The following WDR70 variants were observed in gnomAD, a reference collection of about 807,000 sequenced individuals.
The protein encoded by WDR70 is WD repeat-containing protein 70.
Under a neutral mutation model 88.6 loss-of-function variants are expected in WDR70, and 53 were observed. That is an observed-to-expected ratio of 0.60 (90% CI 0.48 to 0.75). WDR70 has a LOEUF of 0.75. WDR70 is among the 30% of genes least tolerant of loss of function. The pLI, the probability that WDR70 is intolerant of heterozygous loss-of-function variation, is 0.00. For synonymous variants in WDR70, 280 were observed against 270.0 expected (o/e 1.04, Z -0.36); for missense variants, 610 against 823.2 (o/e 0.74, Z 3.17).
rs376135254 is a variant in WDR70 at position 37,437,666 on chromosome 5, AT to A, written c.493-252del. On this transcript the variant is annotated intron_variant, in intron 5 of 17. Transcript: ENST00000265107. ...CAATTTATGTTGACAATAAGAGATAATTTTATAGAACCTAATGAGTTTCTTA... is the reference window on the plus strand; with the variant it reads ...CAATTTATGTTGACAATAAGAGATAATTTATAGAACCTAATGAGTTTCTTA... 6.0e-4 allele frequency among the ~76,000 whole-genome samples: 92 copies of A among 152,232 alleles called. 1 individual carries two copies. In the East Asian group the frequency reaches 0.016, roughly 27 times the overall value.
intron 8 of WDR70, among the ~76,000 whole-genome samples, chr5:37,513,094 A>G (rs1740769705): frequency 6.6e-6 from 1 of 152,160 alleles, no homozygotes; most frequent in African/African-American, 2.4e-5. Context: ...TTTATATTCA[A>G]TTTTTGGTTG....
At chr5:37,551,864 CG>C (rs1561898500) in intron 9 of WDR70, among the ~76,000 whole-genome samples, 1 of 144,644 alleles carries the variant, frequency 6.9e-6, no homozygotes, top group African/African-American at 2.5e-5. Flanking sequence ...CTCTGCCTCC[CG>C]GGTTCAAGTG....
chr5:37,726,956 G>A lies in WDR70; in HGVS notation c.1788G>A (p.Lys596=). ...TTGTGAAGAACATTGCTTTGGACAA[G>A]ACCGATGACAGTAATCCTCGGGAAG... ...SYIVKNIALD[K]TDDSNPREAI... Residue 596 remains lysine, a synonymous_variant, in exon 17 of 18, where the codon AAG becomes AAA. Transcript: ENST00000265107. The A allele has an allele frequency of 1.2e-6, 2 of 1,612,246 alleles. No homozygotes were observed. The highest frequency in any genetic ancestry group is 1.7e-6 in the Non-Finnish European group (2 of 1,179,202).
chr5:37,453,804 A>G (rs1292324822), intron 7 of WDR70, among the ~76,000 whole-genome samples: 1 of 152,204 alleles, frequency 6.6e-6, no homozygotes, highest in Non-Finnish European at 1.5e-5. Flanking sequence ...TATCTTATTA[A>G]GATCCAGTGA....
intron 7 of WDR70, among the ~76,000 whole-genome samples, chr5:37,476,014 T>G (rs957971155): frequency 2.7e-5 from 4 of 150,074 alleles, no homozygotes; most frequent in African/African-American, 9.8e-5. Context: ...CCCAGCTATG[T>G]TTTTTTTTGC....
chr5:37,716,603 ACT>A (rs1351272220), intron 13 of WDR70, among the ~76,000 whole-genome samples: 1 of 151,928 alleles, frequency 6.6e-6, no homozygotes, highest in African/African-American at 2.4e-5. Flanking sequence ...GAAAGTTACC[ACT>A]CTCTACAGCC....
At chr5:37,691,515 C>T (rs913587421) in intron 10 of WDR70, among the ~76,000 whole-genome samples, 1 of 152,232 alleles carries the variant, frequency 6.6e-6, no homozygotes, top group Non-Finnish European at 1.5e-5. Context: ...AACTGTCTCT[C>T]AGACTACAGT....
At chr5:37,670,866 G>T (rs1473563329) in intron 10 of WDR70, among the ~76,000 whole-genome samples, 2 of 152,160 alleles carry the variant, frequency 1.3e-5, no homozygotes, top group Admixed American at 1.3e-4. Context: ...ATCGCCAGTG[G>T]CTGGGACAAT....
intron 6 of WDR70, among the ~76,000 whole-genome samples, chr5:37,440,393 T>G (rs1581279485): frequency 6.6e-6 from 1 of 152,184 alleles, no homozygotes; most frequent in South Asian, 2.1e-4. Context: ...TCACTCAGGC[T>G]GGAGTGCAGT....
intron 9 of WDR70, among the ~76,000 whole-genome samples, chr5:37,600,063 A>C (rs1743824019): frequency 6.6e-6 from 1 of 152,200 alleles, no homozygotes; most frequent in African/African-American, 2.4e-5. Context: ...CAAAAGCACA[A>C]ATGATGAAAG....
At chr5:37,691,513 C>G (rs1746793028) in intron 10 of WDR70, among the ~76,000 whole-genome samples, 2 of 152,228 alleles carry the variant, frequency 1.3e-5, no homozygotes, top group Non-Finnish European at 2.9e-5. Flanking sequence ...CAAACTGTCT[C>G]TCAGACTACA....
chr5:37,555,798 A>C (rs1024986027), intron 9 of WDR70, among the ~76,000 whole-genome samples: 4 of 152,098 alleles, frequency 2.6e-5, no homozygotes, highest in African/African-American at 7.2e-5. Flanking sequence ...GGCTCACTGC[A>C]ACCTCCACCT....
rs147114070 is a variant in WDR70 at position 37,691,251 on chromosome 5, C to T, written c.1093-6404C>T. Among the ~76,000 whole-genome samples the T allele has an allele frequency of 2.7e-3, 411 of 152,290 alleles. 3 individuals are homozygous for T. Among genetic ancestry groups the T allele is most frequent in the Middle Eastern group, 0.01 (3 of 294 alleles). ...AGAGACCTACAGATACTTAGACTCCCACACATTAATAATGGGAGACTTTAA... is the reference window on the plus strand; with the variant it reads ...AGAGACCTACAGATACTTAGACTCCTACACATTAATAATGGGAGACTTTAA... On this transcript the variant is annotated intron_variant, in intron 10 of 17. Coordinates refer to ENST00000265107, the MANE Select transcript of WDR70 (RefSeq NM_018034.4).
intron 6 of WDR70, among the ~76,000 whole-genome samples, chr5:37,438,334 G>A (rs182313302): frequency 2.0e-5 from 3 of 152,026 alleles, no homozygotes; most frequent in Non-Finnish European, 2.9e-5. Context: ...TCAGTAAAAG[G>A]CATGAATTTG....
chr5:37,415,237 C>T (rs1352862999), intron 5 of WDR70, among the ~76,000 whole-genome samples: 3 of 152,088 alleles, frequency 2.0e-5, no homozygotes, highest in Admixed American at 6.5e-5. Flanking sequence ...CCACCTTTCC[C>T]CTTTTCTATT....
intron 10 of WDR70, among the ~76,000 whole-genome samples, chr5:37,626,454 T>G (rs1318201303): frequency 6.6e-6 from 1 of 152,184 alleles, no homozygotes; most frequent in Non-Finnish European, 1.5e-5. Context: ...ATTCCTGAGA[T>G]AAATCCCACT....
intron 13 of WDR70, among the ~76,000 whole-genome samples, chr5:37,716,317 G>A (rs1467941066): frequency 1.3e-5 from 2 of 152,300 alleles, no homozygotes; most frequent in East Asian, 3.9e-4. Flanking sequence ...ATGTTACGCA[G>A]GCATTGATTT....
At chr5:37,501,021 G>A (rs1441496941) in intron 8 of WDR70, among the ~76,000 whole-genome samples, 3 of 152,128 alleles carry the variant, frequency 2.0e-5, no homozygotes, top group African/African-American at 4.8e-5. Context: ...TTACAGGCGT[G>A]AGCCACCATA....
chr5:37,735,222 TTAAA>T (rs1241149641), intron 17 of WDR70, among the ~76,000 whole-genome samples: 5 of 152,148 alleles, frequency 3.3e-5, no homozygotes, highest in Admixed American at 1.3e-4. Flanking sequence ...TCAACTTTCT[TTAAA>T]TAAGAATTAA....
Sources: gnomAD v4.1 joint callset for allele counts (sites outside exome capture counted in the v4.1 genomes callset) on GRCh38, gnomAD v4.1.1 for gene constraint, MANE v1.5 for transcripts, NCBI Gene and HGNC (gene_info 2026-07-23, HGNC 2026-07-21) for gene names.